Variants in GLS observed in about 807,000 individuals in gnomAD.
The protein encoded by GLS is glutaminase kidney isoform, mitochondrial.
GLS carries 36 observed loss-of-function variants against 86.7 expected under a neutral mutation model. The observed-to-expected ratio is 0.42, with a 90% CI of 0.32 to 0.55. The LOEUF is 0.55. Ranked by LOEUF, GLS falls within the 20% of genes least tolerant of loss-of-function variation. The pLI, the probability that GLS is intolerant of heterozygous loss-of-function variation, is 0.17. For synonymous variants in GLS, 317 were observed against 305.9 expected (o/e 1.04, Z -0.38); for missense variants, 528 against 833.4 (o/e 0.63, Z 4.51).
chr2:190,930,652 T>G lies in GLS; in HGVS notation c.1557+84T>G. ...TTTTTTTTAACCCATTTTCCATAGT[T>G]CATTAACTCTTGGCCCTCCGCCTAT... is the stretch of plus-strand genomic sequence containing the variant. On this transcript the variant is annotated intron_variant, in intron 13 of 17. Transcript: ENST00000320717. The surrounding 1 kb of genome is among the most constrained non-coding windows in gnomAD (Gnocchi z 5.0). 1 of 1,301,860 alleles carries G rather than the reference T, an allele frequency of 7.7e-7. No homozygotes were observed. The allele number at this position is 1,301,860 out of a possible 1,614,324, so 80.6% of individuals were successfully genotyped here. A position where few individuals can be genotyped will look rare whatever the true frequency, so the allele number is the denominator to read the frequency against.
At chr2:190,960,193 C>T (rs947239289) in intron 17 of GLS, among the ~76,000 whole-genome samples, 2 of 151,788 alleles carry the variant, frequency 1.3e-5, no homozygotes, top group African/African-American at 4.8e-5. Context: ...GTATATGAGT[C>T]AATGAGTAAT....
Position 190,944,779 on chromosome 2 carries a change from C to T in GLS, c.1651-8786C>T, listed in dbSNP as rs947663341. Among the ~76,000 whole-genome samples the T allele has an allele frequency of 2.6e-5, 4 of 152,042 alleles. No homozygotes were observed. In the East Asian group the frequency reaches 5.8e-4, roughly 22 times the overall value. Reference sequence around the variant, plus strand: ...ATATTTGCTTTTATTCACATTCACCCAACTCACATTTCATTTTTAAAGTTT... The same window carrying T: ...ATATTTGCTTTTATTCACATTCACCTAACTCACATTTCATTTTTAAAGTTT... On this transcript the variant is annotated intron_variant, in intron 14 of 17. Coordinates refer to ENST00000320717, the MANE Select transcript of GLS (RefSeq NM_014905.5).
chr2:190,914,934 C>CT lies in GLS; in HGVS notation c.1038+4614dup, dbSNP rs907706740. Among the ~76,000 whole-genome samples, 1 of 152,036 alleles carries CT rather than the reference C, an allele frequency of 6.6e-6. No homozygotes were observed. The highest frequency in any genetic ancestry group is 1.5e-5 in the Non-Finnish European group (1 of 67,998). On this transcript the variant is annotated intron_variant, in intron 7 of 17. Coordinates refer to ENST00000320717, the MANE Select transcript of GLS (RefSeq NM_014905.5). This position sits in a 1 kb window ranked among gnomAD's most constrained non-coding sequence, Gnocchi z 4.4. ...TAGATAATGTTAAAACTCAGTGCCT[C>CT]TATCAAATTTTCATTCATACAGTAT... is the stretch of plus-strand genomic sequence containing the variant.
Position 190,963,002 on chromosome 2 carries a change from A to G in GLS, c.*16A>G. ...ATTGTTGTAATGGTCTCAAATCCCA[A>G]GATTTAAATCACTTACCTATTTAAT... On this transcript the variant is annotated 3_prime_UTR_variant, in exon 18 of 18. Transcript: ENST00000320717. 1 of 1,555,646 alleles carries G rather than the reference A, an allele frequency of 6.4e-7. No homozygotes were observed. Among genetic ancestry groups the G allele is most frequent in the South Asian group, 1.2e-5 (1 of 83,902 alleles).
chr2:190,952,476 A>G (rs1422487386), intron 14 of GLS, among the ~76,000 whole-genome samples: 1 of 152,172 alleles, frequency 6.6e-6, no homozygotes, highest in East Asian at 1.9e-4. Context: ...GTTTCTGCAA[A>G]TTACACTTTG....
At chr2:190,940,300 T>A (rs1435846890) in intron 14 of GLS, among the ~76,000 whole-genome samples, 1 of 152,046 alleles carries the variant, frequency 6.6e-6, no homozygotes, top group Non-Finnish European at 1.5e-5. Flanking sequence ...ACGTTGCATC[T>A]AATGCACAAT....
chr2:190,929,924 T>C (rs894528065), intron 12 of GLS, among the ~76,000 whole-genome samples: 1 of 151,956 alleles, frequency 6.6e-6, no homozygotes, highest in African/African-American at 2.4e-5. Context: ...CTCAGCTCAT[T>C]GCAATCTCTG....
intron 4 of GLS, among the ~76,000 whole-genome samples, chr2:190,901,190 T>C (rs1052011772): frequency 2.0e-5 from 3 of 152,074 alleles, no homozygotes; most frequent in African/African-American, 7.2e-5. Flanking sequence ...AGTATAACTT[T>C]TGACTCCCTT....
At chr2:190,927,216 C>T (rs1436015301) in intron 11 of GLS, 90 bp from the exon 12 acceptor site, 25 of 940,740 alleles carry the variant, frequency 2.7e-5, no homozygotes, top group Non-Finnish European at 3.6e-5. Context: ...TATTTCAGAT[C>T]TGTATGAAAT....
rs1271361583 is a variant in GLS, at chr2:190,924,954, A to G, written c.1248+361A>G. Among the ~76,000 whole-genome samples the G allele has an allele frequency of 6.6e-6, 1 of 152,148 alleles. No homozygotes were observed. Among genetic ancestry groups the G allele is most frequent in the Non-Finnish European group, 1.5e-5 (1 of 68,024 alleles). On this transcript the variant is annotated intron_variant, in intron 11 of 17. Transcript: ENST00000320717. The surrounding 1 kb of genome is among the most constrained non-coding windows in gnomAD (Gnocchi z 5.2). ...ATGTGTCACATTATGCAAAATATAG[A>G]TGTCTCAGAAATCTTGGTTCTAGGC...
chr2:190,950,154 C>T (rs1484503297), intron 14 of GLS, among the ~76,000 whole-genome samples: 1 of 151,968 alleles, frequency 6.6e-6, no homozygotes, highest in African/African-American at 2.4e-5. Flanking sequence ...GCATCTCTAG[C>T]AGCCAGTTGT....
intron 1 of GLS, among the ~76,000 whole-genome samples, chr2:190,887,746 G>T (rs979787987): frequency 2.6e-4 from 39 of 151,926 alleles, no homozygotes; most frequent in African/African-American, 8.7e-4. Flanking sequence ...ATTATTTTTG[G>T]TACAGTGTTA....
At chr2:190,946,687 A>G (rs1486271268) in intron 14 of GLS, among the ~76,000 whole-genome samples, 1 of 152,074 alleles carries the variant, frequency 6.6e-6, no homozygotes, top group Non-Finnish European at 1.5e-5. Flanking sequence ...CCCTCCCTCC[A>G]TCTTCTCCCT....
intron 14 of GLS, chr2:190,932,540 CAACAG>C (rs1690140782): frequency 2.2e-5 from 8 of 372,046 alleles, no homozygotes; most frequent in Middle Eastern, 6.9e-4. Flanking sequence ...TATGCAAAAC[CAACAG>C]AATAGAAACT....
At position 190,899,629 on chromosome 2, in the gene GLS, T is replaced by C. The variant is rs114893600; in HGVS notation, c.606-935T>C. Among the ~76,000 whole-genome samples, 822 of 152,260 alleles carry C rather than the reference T, an allele frequency of 5.4e-3. 10 individuals are homozygous for C. The highest frequency in any genetic ancestry group is 0.019 in the African/African-American group (779 of 41,580). ...GGCTTAACACCGTGTTTAGCAAGTCTTCCTTTGTTAATTAAATATTAATTA... is the reference window on the plus strand; with the variant it reads ...GGCTTAACACCGTGTTTAGCAAGTCCTCCTTTGTTAATTAAATATTAATTA... On this transcript the variant is annotated intron_variant, in intron 3 of 17. Coordinates refer to ENST00000320717, the MANE Select transcript of GLS (RefSeq NM_014905.5).
At chr2:190,906,169 C>CAATAA (rs1427393646) in intron 6 of GLS, among the ~76,000 whole-genome samples, 262 of 152,120 alleles carry the variant, frequency 1.7e-3, no homozygotes, top group African/African-American at 6.1e-3. Flanking sequence ...ACATCATATG[C>CAATAA]AGAAGCACTT....
intron 6 of GLS, among the ~76,000 whole-genome samples, chr2:190,909,912 C>T (rs1207267069): frequency 2.0e-5 from 3 of 152,030 alleles, no homozygotes; most frequent in Non-Finnish European, 4.4e-5. Context: ...GTGGTATGTG[C>T]CTGTGGTCCC....
intron 3 of GLS, among the ~76,000 whole-genome samples, chr2:190,899,793 C>A (rs1407233604): frequency 1.3e-5 from 2 of 152,092 alleles, no homozygotes; most frequent in Non-Finnish European, 1.5e-5. Context: ...AAGCAGAATA[C>A]AGTTCAAATT....
rs553470791 is a variant in GLS at position 190,949,038 on chromosome 2, C to T, written c.1651-4527C>T. On this transcript the variant is annotated intron_variant, in intron 14 of 17. Transcript: ENST00000320717. The surrounding 1 kb of genome is among the most constrained non-coding windows in gnomAD (Gnocchi z 4.0). ...AGACTGACAGCAAGGAAGGGACTTT[C>T]GGGCTAGTCTTTGAGGGAAGGGAAG... 1.3e-5 allele frequency among the ~76,000 whole-genome samples: 2 copies of T among 151,908 alleles called. No homozygotes were observed. Among genetic ancestry groups the T allele is most frequent in the African/African-American group, 2.4e-5 (1 of 41,332 alleles).
Sources: allele counts gnomAD v4.1 joint callset (sites outside exome capture counted in the v4.1 genomes callset), GRCh38; gene constraint gnomAD v4.1.1; non-coding constraint Gnocchi (gnomAD v3.1); transcripts MANE v1.5; gene names NCBI Gene and HGNC (gene_info 2026-07-23, HGNC 2026-07-21).